The following LRBA variants were observed in gnomAD, a reference collection of about 807,000 sequenced individuals.
The protein encoded by LRBA is LPS responsive beige-like anchor protein, also known as lipopolysaccharide-responsive and beige-like anchor protein.
LRBA carries 176 observed loss-of-function variants against 330.0 expected under a neutral mutation model. The ratio of observed to expected loss-of-function variants is 0.53; its 90% confidence interval spans 0.47 to 0.60. The LOEUF (loss-of-function observed/expected upper bound fraction) is 0.60, where lower values mean the gene tolerates loss of function less well. Ranked by LOEUF, LRBA falls within the 20% of genes least tolerant of loss-of-function variation. The pLI is 0.00. For missense variants in LRBA, 3,259 were observed against 3,444.8 expected (o/e 0.95, Z 1.35); for synonymous variants, 1,230 against 1,193.0 (o/e 1.03, Z -0.64).
chr4:150,828,201 A>T lies in LRBA; in HGVS notation c.5150T>A (p.Val1717Glu). The change falls in exon 30 of 57, where the codon GTG becomes GAG. Residue 1717 changes from valine (V) to glutamate (E), a missense_variant. Coordinates refer to ENST00000651943, the MANE Select transcript of LRBA (RefSeq NM_001364905.1). ...GTACCTGTCAAAAGATCTGAACTGCACGGGTTGTTCCACAGATAGATCACC... is the reference window on the plus strand; with the variant it reads ...GTACCTGTCAAAAGATCTGAACTGCTCGGGTTGTTCCACAGATAGATCACC... ...ALGDLSVEQP[V>E]QFRSFDRSVI... The T allele has an allele frequency of 6.2e-7, 1 of 1,614,078 alleles. No homozygotes were observed. Among genetic ancestry groups the T allele is most frequent in the Non-Finnish European group, 8.5e-7 (1 of 1,179,952 alleles).
At chr4:150,760,174 T>C (rs1318061892) in intron 35 of LRBA, among the ~76,000 whole-genome samples, 1 of 152,212 alleles carries the variant, frequency 6.6e-6, no homozygotes, top group Non-Finnish European at 1.5e-5. Flanking sequence ...TACCTCAGTG[T>C]TGAAATCAGT....
At chr4:151,003,941 C>G (rs1023930324) in intron 2 of LRBA, among the ~76,000 whole-genome samples, 1 of 148,784 alleles carries the variant, frequency 6.7e-6, no homozygotes, top group African/African-American at 2.5e-5. Flanking sequence ...GTGTGACAGT[C>G]TCATGCTGCC....
At chr4:150,391,955 G>T (rs1744012769) in intron 47 of LRBA, among the ~76,000 whole-genome samples, 2 of 105,892 alleles carry the variant, frequency 1.9e-5, no homozygotes, top group Non-Finnish European at 1.8e-5. Context: ...GAATCTGATT[G>T]ATACTCTGTT....
At chr4:151,010,741 G>A (rs567486857) in intron 2 of LRBA, among the ~76,000 whole-genome samples, 13 of 152,062 alleles carry the variant, frequency 8.5e-5, no homozygotes, top group South Asian at 2.1e-4. Context: ...AAAATTAGCC[G>A]GGCATGGTGG....
chr4:150,869,860 G>A (rs1418191253), intron 20 of LRBA, among the ~76,000 whole-genome samples: 1 of 152,118 alleles, frequency 6.6e-6, no homozygotes, highest in Non-Finnish European at 1.5e-5. Flanking sequence ...TTTTAGACCA[G>A]CCTGGGCAAC....
chr4:150,895,905 G>A (rs1348098639), intron 16 of LRBA, among the ~76,000 whole-genome samples: 1 of 152,148 alleles, frequency 6.6e-6, no homozygotes, highest in East Asian at 1.9e-4. Context: ...CACCAACAGT[G>A]TAAAAGTGTT....
intron 37 of LRBA, among the ~76,000 whole-genome samples, chr4:150,656,469 G>C (rs895611251): frequency 5.3e-5 from 8 of 151,990 alleles, no homozygotes; most frequent in African/African-American, 1.9e-4. Context: ...AGTCTTCAAA[G>C]TTTACTACTT....
chr4:150,278,096 C>A, intron 55 of LRBA, 92 bp from the exon 56 acceptor site: 1 of 1,074,952 alleles, frequency 9.3e-7, no homozygotes, highest in Non-Finnish European at 1.4e-6. Context: ...CCAGCTACTA[C>A]GGTGCAGAGA....
rs111632648 is a variant in LRBA at position 150,723,411 on chromosome 4, C to T, written c.5754+11847G>A. ...CCAGGCAGAGTCATGAGGCCCCGTT[C>T]CAGGCCTTAGCTCTCAGATGATATT... is the stretch of plus-strand genomic sequence containing the variant. On this transcript the variant is annotated intron_variant, in intron 36 of 56. Coordinates refer to ENST00000651943, the MANE Select transcript of LRBA (RefSeq NM_001364905.1). Among the ~76,000 whole-genome samples the T allele has an allele frequency of 4.5e-3, 688 of 152,290 alleles. 2 individuals carry two copies. The highest frequency in any genetic ancestry group is 7.5e-3 in the Non-Finnish European group (507 of 68,026).
intron 37 of LRBA, among the ~76,000 whole-genome samples, chr4:150,636,801 C>T (rs374136433): frequency 2.8e-4 from 42 of 152,280 alleles, no homozygotes; most frequent in African/African-American, 9.6e-4. Context: ...ACATGCACTA[C>T]TACACCTGGC....
chr4:150,919,623 TCA>T (rs1733026793), intron 5 of LRBA, among the ~76,000 whole-genome samples: 1 of 151,154 alleles, frequency 6.6e-6, no homozygotes, highest in Non-Finnish European at 1.5e-5. Context: ...TAATTACAAC[TCA>T]CAGACTGACA....
intron 2 of LRBA, among the ~76,000 whole-genome samples, chr4:150,946,563 G>A (rs1413255917): frequency 2.6e-5 from 4 of 151,836 alleles, no homozygotes; most frequent in African/African-American, 4.8e-5. Context: ...TTTTAAATAC[G>A]ATGAACTGAA....
intron 40 of LRBA, among the ~76,000 whole-genome samples, chr4:150,561,519 G>T (rs1462422236): frequency 6.6e-6 from 1 of 152,164 alleles, no homozygotes; most frequent in African/African-American, 2.4e-5. Context: ...GTACAAGAGG[G>T]TGGCAGATTA....
At chr4:150,935,048 T>C (rs1734944390) in intron 2 of LRBA, among the ~76,000 whole-genome samples, 1 of 147,200 alleles carries the variant, frequency 6.8e-6, no homozygotes, top group African/African-American at 2.5e-5. Flanking sequence ...TGGTGGTGCA[T>C]GTCTGTGGTT....
chr4:150,781,987 G>T lies in LRBA; in HGVS notation c.5580+16094C>A, dbSNP rs913036731. Among the ~76,000 whole-genome samples the T allele has an allele frequency of 1.6e-4, 25 of 152,110 alleles. No individual in the cohort carries two copies. In the East Asian group the frequency reaches 4.8e-3, roughly 29 times the overall value. ...AGCGGTGCTATCACAATTCACTGCA[G>T]CCTTGACCCCCCTGGGTTCAAGCGA... On this transcript the variant is annotated intron_variant, in intron 34 of 56. Coordinates refer to ENST00000651943, the MANE Select transcript of LRBA (RefSeq NM_001364905.1).
intron 37 of LRBA, among the ~76,000 whole-genome samples, chr4:150,675,063 A>C (rs1194147411): frequency 6.6e-6 from 1 of 152,046 alleles, no homozygotes; most frequent in East Asian, 1.9e-4. Context: ...AGAAAGAAAA[A>C]AAAAATAGCC....
rs1346982716 is a variant in LRBA at position 150,735,274 on chromosome 4, C to A, written c.5738G>T (p.Arg1913Ile). Reference protein sequence around the residue: ...LSRQRAEDIHRHAEFESLCAQ... With the variant: ...LSRQRAEDIHIHAEFESLCAQ... ...GTAACCTACCTCAAATTCCGCATGT[C>A]TGTGAATATCTTCTGCTCTCTGCCT... Residue 1913 changes from arginine (R) to isoleucine (I), a missense_variant, in exon 36 of 57, where the codon AGA becomes ATA. Coordinates refer to ENST00000651943, the MANE Select transcript of LRBA (RefSeq NM_001364905.1). 1 of 1,613,288 alleles carries A rather than the reference C, an allele frequency of 6.2e-7. No individual in the cohort carries two copies.
intron 37 of LRBA, among the ~76,000 whole-genome samples, chr4:150,618,838 A>G (rs1475991584): frequency 1.2e-5 from 1 of 82,810 alleles, no homozygotes; most frequent in Non-Finnish European, 2.6e-5. Flanking sequence ...TATTATGTAT[A>G]TGTGTGTATG....
chr4:150,890,097 T>C (rs967551511), intron 17 of LRBA, among the ~76,000 whole-genome samples: 2 of 152,118 alleles, frequency 1.3e-5, no homozygotes, highest in African/African-American at 4.8e-5. Flanking sequence ...TGCTCTAAAA[T>C]ACACCTTTGG....
Sources: gnomAD v4.1 joint callset for allele counts (sites outside exome capture counted in the v4.1 genomes callset) on GRCh38, gnomAD v4.1.1 for gene constraint, MANE v1.5 for transcripts, NCBI Gene and HGNC (gene_info 2026-07-23, HGNC 2026-07-21) for gene names.